The following RNLS variants were observed in gnomAD, a reference collection of about 807,000 sequenced individuals.
RNLS encodes renalase, FAD dependent amine oxidase, also known as renalase.
Under a neutral mutation model 39.8 loss-of-function variants are expected in RNLS, and 39 were observed. That is an observed-to-expected ratio of 0.98 (90% CI 0.76 to 1.28). The LOEUF (loss-of-function observed/expected upper bound fraction) is 1.28, where lower values mean the gene tolerates loss of function less well. Ranked by LOEUF, RNLS falls within the 50% of genes most tolerant of loss-of-function variation. The pLI, the probability that RNLS is intolerant of heterozygous loss-of-function variation, is 0.00. For missense variants in RNLS, 410 were observed against 413.3 expected, an observed-to-expected ratio of 0.99 and a Z score of 0.07; for synonymous variants, 147 against 150.7, an observed-to-expected ratio of 0.98 and a Z score of 0.18.
At chr10:88,421,722 A>G (rs990733981) in intron 4 of RNLS, among the ~76,000 whole-genome samples, 1 of 152,146 alleles carries the variant, frequency 6.6e-6, no homozygotes, top group African/African-American at 2.4e-5. Context: ...AGAAGGAAAT[A>G]CCAATTTTAT....
rs374554118 is a variant in RNLS at position 88,443,175 on chromosome 10, G to A, written c.527-80450C>T. ...CAAATTTTACAATTTTATGACTTTT[G>A]TCCCTTTTAATTTGGGATTTTCCAT... On this transcript the variant is annotated intron_variant, in intron 4 of 6. Transcript: ENST00000331772. 5.9e-4 allele frequency among the ~76,000 whole-genome samples: 90 copies of A among 151,982 alleles called. 3 individuals are homozygous for A. The South Asian group carries it at 0.018, about 30-fold the overall frequency.
chr10:88,479,370 A>T (rs868742376), intron 4 of RNLS, among the ~76,000 whole-genome samples: 6 of 152,224 alleles, frequency 3.9e-5, no homozygotes, highest in Non-Finnish European at 1.5e-5. Flanking sequence ...CACCTGAAGC[A>T]GTAAGTAGGA....
chr10:88,421,200 G>A (rs1294594786), intron 4 of RNLS, among the ~76,000 whole-genome samples: 1 of 152,066 alleles, frequency 6.6e-6, no homozygotes, highest in Admixed American at 6.6e-5. Flanking sequence ...TCATTACTTG[G>A]TTTCAGGTGA....
chr10:88,354,970 T>C (rs566395487), intron 5 of RNLS, among the ~76,000 whole-genome samples: 7 of 152,208 alleles, frequency 4.6e-5, no homozygotes, highest in Non-Finnish European at 7.3e-5. Context: ...CATCTGATCA[T>C]CCATCATTGA....
intron 4 of RNLS, among the ~76,000 whole-genome samples, chr10:88,394,142 T>C (rs915515527): frequency 1.1e-4 from 16 of 152,146 alleles, no homozygotes; most frequent in African/African-American, 3.9e-4. Context: ...GCAAGGACTT[T>C]CATGTCTAAA....
intron 5 of RNLS, among the ~76,000 whole-genome samples, chr10:88,328,160 A>C (rs1846779334): frequency 6.6e-6 from 1 of 152,152 alleles, no homozygotes; most frequent in Non-Finnish European, 1.5e-5. Context: ...TGCCCAGTTC[A>C]GCCTCCCAAA....
intron 4 of RNLS, among the ~76,000 whole-genome samples, chr10:88,368,224 T>C (rs1850271056): frequency 1.3e-5 from 2 of 151,900 alleles, no homozygotes; most frequent in Non-Finnish European, 2.9e-5. Flanking sequence ...AGAGACCAAA[T>C]ATATCGAATA....
chr10:88,354,784 C>T (rs1161759538), intron 5 of RNLS, among the ~76,000 whole-genome samples: 1 of 152,236 alleles, frequency 6.6e-6, no homozygotes, highest in Non-Finnish European at 1.5e-5. Context: ...TCAGGAAATT[C>T]TCTGGATAAC....
Position 88,320,993 on chromosome 10 carries a change from G to T in RNLS, c.701-6352C>A, listed in dbSNP as rs138383194. ...ACACTGCATCCAACAACCACAGAATGTATGTTTTTCTCATCTGTGCACAGA... is the reference window on the plus strand; with the variant it reads ...ACACTGCATCCAACAACCACAGAATTTATGTTTTTCTCATCTGTGCACAGA... On this transcript the variant is annotated intron_variant, in intron 5 of 6. Coordinates refer to ENST00000331772, the MANE Select transcript of RNLS (RefSeq NM_001031709.3). 3.6e-3 allele frequency among the ~76,000 whole-genome samples: 540 copies of T among 151,524 alleles called. 3 individuals carry two copies. The highest frequency in any genetic ancestry group is 0.013 in the African/African-American group (517 of 41,216).
At chr10:88,196,982 G>A in the RNLS span, among the ~76,000 whole-genome samples, 1 of 152,160 alleles carries the variant, frequency 6.6e-6, no homozygotes, top group African/African-American at 2.4e-5. Flanking sequence ...CTAGACATCA[G>A]CTCCTCCTTC....
intron 4 of RNLS, among the ~76,000 whole-genome samples, chr10:88,393,302 C>T (rs1223330315): frequency 3.3e-5 from 5 of 152,022 alleles, no homozygotes; most frequent in Non-Finnish European, 7.4e-5. Context: ...CCCATCGTCT[C>T]AGCCCAAAAT....
At chr10:88,581,263 TAAAG>T (rs1933075786) in intron 3 of RNLS, among the ~76,000 whole-genome samples, 1 of 146,456 alleles carries the variant, frequency 6.8e-6, no homozygotes, top group Non-Finnish European at 1.5e-5. Context: ...AGAATAAATA[TAAAG>T]AAATATATAT....
chr10:88,555,896 G>A (rs186341322), intron 4 of RNLS, among the ~76,000 whole-genome samples: 1 of 152,042 alleles, frequency 6.6e-6, no homozygotes, highest in East Asian at 1.9e-4. Flanking sequence ...AGTTTCTCTG[G>A]GTTCAATCTT....
intron 6 of RNLS, among the ~76,000 whole-genome samples, chr10:88,277,255 C>T (rs1288713498): frequency 6.6e-6 from 1 of 151,358 alleles, no homozygotes; most frequent in Non-Finnish European, 1.5e-5. Context: ...TGTTCTCACT[C>T]ATAGGTGGGA....
chr10:88,446,844 C>T (rs1014454582), intron 4 of RNLS, among the ~76,000 whole-genome samples: 20 of 152,332 alleles, frequency 1.3e-4, no homozygotes, highest in Admixed American at 1.3e-4. Flanking sequence ...CCCTGAGATG[C>T]AAGGCTGGTT....
chr10:88,346,051 A>C (rs1373095099), intron 5 of RNLS, among the ~76,000 whole-genome samples: 2 of 152,174 alleles, frequency 1.3e-5, no homozygotes, highest in Non-Finnish European at 2.9e-5. Context: ...TTATGGCAAG[A>C]TTCCAATGCA....
chr10:88,582,293 T>C lies in RNLS; in HGVS notation c.133A>G (p.Thr45Ala), dbSNP rs572861626. Reference sequence around the variant, plus strand: ...TGAGGATTATGAGGACTGCAGGCTGTAGTCATTCTTCCCCCTTGAATTAAT... The same window carrying C: ...TGAGGATTATGAGGACTGCAGGCTGCAGTCATTCTTCCCCCTTGAATTAAT... The part of the protein sequence containing the change: ...KAEDSGGRMT[T>A]ACSPHNPQCT... The change falls in exon 2 of 7, where the codon ACA (threonine) becomes GCA (alanine). Residue 45 changes from threonine (T) to alanine (A), a missense_variant. Coordinates refer to ENST00000331772, the MANE Select transcript of RNLS (RefSeq NM_001031709.3). 7 of 1,613,474 alleles carry C rather than the reference T, an allele frequency of 4.3e-6. No individual in the cohort carries two copies. Among genetic ancestry groups the C allele is most frequent in the African/African-American group, 1.3e-5 (1 of 75,042 alleles).
At chr10:88,518,471 TACA>T (rs1292809420) in intron 4 of RNLS, among the ~76,000 whole-genome samples, 2 of 152,130 alleles carry the variant, frequency 1.3e-5, no homozygotes, top group South Asian at 2.1e-4. Flanking sequence ...TAGAGATCCT[TACA>T]ACATGTCATT....
chr10:88,230,300 G>A, the RNLS span, among the ~76,000 whole-genome samples: 3 of 152,036 alleles, frequency 2.0e-5, no homozygotes, highest in Non-Finnish European at 2.9e-5. Flanking sequence ...AATTTTTTTT[G>A]TAGTTCTGAA....
Sources: allele counts gnomAD v4.1 joint callset (sites outside exome capture counted in the v4.1 genomes callset), GRCh38; gene constraint gnomAD v4.1.1; transcripts MANE v1.5; gene names NCBI Gene and HGNC (gene_info 2026-07-23, HGNC 2026-07-21).